The following EFCAB14 variants were observed in gnomAD, a reference collection of about 807,000 sequenced individuals.
EFCAB14 encodes the protein EF-hand calcium-binding domain-containing protein 14.
In EFCAB14, 43 loss-of-function variants were observed where a neutral mutation model predicts 56.5. That is an observed-to-expected ratio of 0.76 (90% confidence interval 0.60 to 0.98). EFCAB14 has a LOEUF of 0.98. Ranked by LOEUF, EFCAB14 falls within the 50% of genes least tolerant of loss-of-function variation. The probability of loss-of-function intolerance (pLI) is 0.00; values close to 1 mark genes in which losing one functional copy is unlikely to be tolerated. For synonymous variants in EFCAB14, 235 were observed against 212.9 expected (o/e 1.10, Z -0.90); for missense variants, 538 against 580.3 (o/e 0.93, Z 0.75).
intron 1 of EFCAB14, among the ~76,000 whole-genome samples, 160 bp downstream of exon 1, chr1:46,717,743 C>T (rs947871174): frequency 4.6e-5 from 7 of 152,180 alleles, no homozygotes; most frequent in Admixed American, 4.6e-4. Flanking sequence ...CATTCAGGAT[C>T]TGAACTTACC....
At chr1:46,688,181 C>T (rs1676919355) in intron 7 of EFCAB14, among the ~76,000 whole-genome samples, 172 bp downstream of exon 7, 1 of 152,184 alleles carries the variant, frequency 6.6e-6, no homozygotes, top group South Asian at 2.1e-4. Context: ...TGGCCATTCA[C>T]ATCACACAGC....
intron 2 of EFCAB14, among the ~76,000 whole-genome samples, chr1:46,709,242 T>C (rs560222871): frequency 6.6e-6 from 1 of 152,338 alleles, no homozygotes. Context: ...TCCAATTACA[T>C]TTCTCATCAC....
chr1:46,690,021 C>A lies in EFCAB14; in HGVS notation c.691-330G>T, dbSNP rs575575677. On this transcript the variant is annotated intron_variant, in intron 5 of 10. Transcript: ENST00000371933. ...TGCTCCCAGAGAAACTATAGCATCACTGTAACTTTCCAGGGACCAACTCGG... is the reference window on the plus strand; with the variant it reads ...TGCTCCCAGAGAAACTATAGCATCAATGTAACTTTCCAGGGACCAACTCGG... Among the ~76,000 whole-genome samples, 3 of 152,314 alleles carry A rather than the reference C, an allele frequency of 2.0e-5. No individual in the cohort carries two copies. The South Asian group carries it at 6.2e-4, about 32-fold the overall frequency.
At chr1:46,684,719 T>C (rs1176438899) in intron 8 of EFCAB14, 117 bp from the exon 9 acceptor site, 1 of 729,672 alleles carries the variant, frequency 1.4e-6, no homozygotes, top group Non-Finnish European at 2.3e-6. Flanking sequence ...AGGTTCCCTA[T>C]AAAGACAATA....
Position 46,702,380 on chromosome 1 carries a change from A to C in EFCAB14, c.480+5526T>G, listed in dbSNP as rs12026027. On this transcript the variant is annotated intron_variant, in intron 3 of 10. Transcript: ENST00000371933. ...GCATCATATCCTTTCAGCTTTATCT[A>C]CTGAGCACCTACTGAATCCTACAGG... Among the ~76,000 whole-genome samples, 1,154 of 152,340 alleles carry C rather than the reference A, an allele frequency of 7.6e-3. 39 individuals are homozygous for C. In the East Asian group the frequency reaches 0.11, roughly 15 times the overall value.
In EFCAB14 at chr1:46,708,945, CT is replaced by C. The variant is rs539417579; in HGVS notation, c.335-895del. On this transcript the variant is annotated intron_variant, in intron 2 of 10. Transcript: ENST00000371933. The stretch of plus-strand genomic sequence containing the variant: ...GGTCCTCCAGAATAAAACCTACATC[CT>C]TTTTTTTTTTTTAAAGCCACAGACC... Among the ~76,000 whole-genome samples the C allele has an allele frequency of 5.2e-3, 764 of 145,784 alleles. 3 individuals carry two copies. The highest frequency in any genetic ancestry group is 9.5e-3 in the African/African-American group (381 of 40,066).
chr1:46,698,431 A>G (rs1337322627), intron 3 of EFCAB14, among the ~76,000 whole-genome samples: 1 of 152,176 alleles, frequency 6.6e-6, no homozygotes, highest in African/African-American at 2.4e-5. Flanking sequence ...ACACTTTTAT[A>G]TAGAAAAATA....
chr1:46,694,499 C>T (rs1677048154), intron 4 of EFCAB14, among the ~76,000 whole-genome samples: 1 of 152,204 alleles, frequency 6.6e-6, no homozygotes, highest in Non-Finnish European at 1.5e-5. Flanking sequence ...CACTGGCCAT[C>T]ACAGAAATGC....
At chr1:46,701,439 C>T (rs1677156536) in intron 3 of EFCAB14, among the ~76,000 whole-genome samples, 1 of 152,208 alleles carries the variant, frequency 6.6e-6, no homozygotes, top group Non-Finnish European at 1.5e-5. Flanking sequence ...CAAACACCTT[C>T]CTCCACTGAC....
rs191079173 is a variant in EFCAB14 at position 46,710,909 on chromosome 1, G to A, written c.335-2858C>T. Among the ~76,000 whole-genome samples, 8 of 152,220 alleles carry A rather than the reference G, an allele frequency of 5.3e-5. No homozygotes were observed. The East Asian group carries it at 7.7e-4, about 15-fold the overall frequency. ...GAGAACATGCAGTGTTTAACTTTCC[G>A]TTCCCAGCTCATTTCACTTAACAAC... On this transcript the variant is annotated intron_variant, in intron 2 of 10. Transcript: ENST00000371933.
At chr1:46,694,086 A>G (rs1351283269) in intron 4 of EFCAB14, among the ~76,000 whole-genome samples, 19 of 152,260 alleles carry the variant, frequency 1.2e-4, no homozygotes, top group Admixed American at 2.0e-4. Context: ...TTCAAGATGG[A>G]TTAAATACTT....
chr1:46,700,986 A>AGTGTGTGTGTGTGTGTGTGT lies in EFCAB14; in HGVS notation c.481-4357_481-4338dup, dbSNP rs3991763. 5.6e-4 allele frequency among the ~76,000 whole-genome samples: 80 copies of AGTGTGTGTGTGTGTGTGTGT among 142,926 alleles called. No homozygotes were observed. In the South Asian group the frequency reaches 8.2e-3, roughly 15 times the overall value. 93.8% of individuals were successfully genotyped at this position (142,926 alleles called of 152,430 possible). ...GAGAGAGAGAGAGAGAGAGTGAGTGAGTGTGTGTGTGTGTGTGTGTGTGTG... is the reference window on the plus strand; with the variant it reads ...GAGAGAGAGAGAGAGAGAGTGAGTGAGTGTGTGTGTGTGTGTGTGTGTGTGTGTGTGTGTGTGTGTGTGTG... On this transcript the variant is annotated intron_variant, in intron 3 of 10. Coordinates refer to ENST00000371933, the MANE Select transcript of EFCAB14 (RefSeq NM_014774.3).
In EFCAB14 at chr1:46,717,447, G is replaced by T. The variant is rs181346026; in HGVS notation, c.185+456C>A. ...CCCCCCGACCCCACCTACTCTCAAGGCTCATACTTCCTACAGTATATCTCT... is the reference window on the plus strand; with the variant it reads ...CCCCCCGACCCCACCTACTCTCAAGTCTCATACTTCCTACAGTATATCTCT... On this transcript the variant is annotated intron_variant, in intron 1 of 10. Transcript: ENST00000371933. 2.0e-5 allele frequency among the ~76,000 whole-genome samples: 3 copies of T among 152,102 alleles called. No homozygotes were observed. The East Asian group carries it at 5.8e-4, about 29-fold the overall frequency.
chr1:46,716,190 A>G, intron 2 of EFCAB14, 105 bp downstream of exon 2: 1 of 1,246,760 alleles, frequency 8.0e-7, no homozygotes, highest in Non-Finnish European at 1.1e-6. Context: ...CGGATGTTGC[A>G]GTGAGCCGAG....
At chr1:46,697,411 TAGTC>T (rs1473656209) in intron 3 of EFCAB14, among the ~76,000 whole-genome samples, 3 of 152,222 alleles carry the variant, frequency 2.0e-5, no homozygotes, top group South Asian at 2.1e-4. Flanking sequence ...ACCTGTGTAA[TAGTC>T]AGTTTCAGGC....
chr1:46,684,422 C>T, intron 9 of EFCAB14, 69 bp downstream of exon 9: 2 of 1,293,094 alleles, frequency 1.5e-6, no homozygotes, highest in South Asian at 2.4e-5. Context: ...AACACCTTCC[C>T]TGCTCCCCAT....
chr1:46,700,380 C>T (rs2148846790), intron 3 of EFCAB14, among the ~76,000 whole-genome samples: 1 of 152,286 alleles, frequency 6.6e-6, no homozygotes, highest in African/African-American at 2.4e-5. Context: ...TAATCATCAA[C>T]ATTGTAACTC....
intron 3 of EFCAB14, among the ~76,000 whole-genome samples, chr1:46,701,553 A>T (rs887571138): frequency 6.6e-6 from 1 of 152,208 alleles, no homozygotes; most frequent in Non-Finnish European, 1.5e-5. Context: ...TGCATGGCTA[A>T]TCAGAAGTAT....
At position 46,718,031 on chromosome 1, in the gene EFCAB14, T is replaced by C. The variant is rs1557453786; in HGVS notation, c.57A>G (p.Arg19=). Residue 19 remains arginine, a synonymous_variant, in exon 1 of 11, where the codon AGA becomes AGG. Transcript: ENST00000371933. ...TGCTTGGGCCTTTCTTGGGCTTCTTTCTCCGGCTGTCCCCAGCCAAACCAA... is the reference window on the plus strand; with the variant it reads ...TGCTTGGGCCTTTCTTGGGCTTCTTCCTCCGGCTGTCCCCAGCCAAACCAA... The part of the protein sequence containing the change: ...ALIGLAGDSR[R]KKPKKGPSSH... The C allele has an allele frequency of 1.2e-6, 2 of 1,614,242 alleles. No homozygotes were observed. The highest frequency in any genetic ancestry group is 1.7e-6 in the Non-Finnish European group (2 of 1,180,048).
Sources: allele counts gnomAD v4.1 joint callset (sites outside exome capture counted in the v4.1 genomes callset), GRCh38; gene constraint gnomAD v4.1.1; transcripts MANE v1.5; gene names NCBI Gene and HGNC (gene_info 2026-07-23, HGNC 2026-07-21).